The following PCSK5 variants were observed in gnomAD, a reference collection of about 807,000 sequenced individuals.
The protein encoded by PCSK5 is prohormone convertase 5.
In PCSK5, 129 loss-of-function variants were observed where a neutral mutation model predicts 233.2. The observed-to-expected ratio is 0.55, with a 90% CI of 0.48 to 0.64. The LOEUF is 0.64. Among genes scored for constraint, PCSK5 ranks in the 30% least tolerant of loss-of-function variants. The pLI, the probability that PCSK5 is intolerant of heterozygous loss-of-function variation, is 0.00. For missense variants in PCSK5, 2,076 were observed against 2,430.1 expected (o/e 0.85, Z 3.06); for synonymous variants, 825 against 879.2 (o/e 0.94, Z 1.09).
intron 7 of PCSK5, among the ~76,000 whole-genome samples, chr9:76,073,373 A>G (rs1339254): frequency 0.26 from 39,801 of 152,140 alleles, 5,543 homozygotes; most frequent in South Asian, 0.33. Context: ...TGGTTAAAAC[A>G]TTCACTTTTT....
At chr9:76,141,633 A>G (rs1183907338) in intron 10 of PCSK5, among the ~76,000 whole-genome samples, 1 of 152,108 alleles carries the variant, frequency 6.6e-6, no homozygotes, top group Non-Finnish European at 1.5e-5. Context: ...TTCATCCTCT[A>G]GCCTCCTCCT....
At chr9:76,155,382 G>A (rs925608628) in intron 10 of PCSK5, among the ~76,000 whole-genome samples, 9 of 152,132 alleles carry the variant, frequency 5.9e-5, no homozygotes, top group African/African-American at 1.9e-4. Context: ...CACAGTGTTC[G>A]TTTTTATATA....
chr9:76,028,881 C>T (rs938199641), intron 5 of PCSK5, among the ~76,000 whole-genome samples: 2 of 152,164 alleles, frequency 1.3e-5, no homozygotes, highest in Non-Finnish European at 2.9e-5. Flanking sequence ...ACGAGGACAG[C>T]TTAAAGGTTA....
At chr9:76,329,224 C>T (rs940732466) in intron 33 of PCSK5, among the ~76,000 whole-genome samples, 1 of 152,078 alleles carries the variant, frequency 6.6e-6, no homozygotes, top group Non-Finnish European at 1.5e-5. Context: ...CAGCCTTGAA[C>T]TCCTGGGCTC....
At chr9:76,078,888 C>T (rs1830733302) in intron 7 of PCSK5, among the ~76,000 whole-genome samples, 1 of 152,108 alleles carries the variant, frequency 6.6e-6, no homozygotes, top group African/African-American at 2.4e-5. Flanking sequence ...TTAGGAAAAG[C>T]ATTGAATCTA....
intron 5 of PCSK5, among the ~76,000 whole-genome samples, chr9:76,040,160 T>A (rs1057475587): frequency 6.6e-6 from 1 of 152,208 alleles, no homozygotes; most frequent in Non-Finnish European, 1.5e-5. Context: ...AGAGTCTTGG[T>A]TGAGGACAAA....
At chr9:76,012,150 C>T (rs963391216) in intron 3 of PCSK5, among the ~76,000 whole-genome samples, 2 of 152,178 alleles carry the variant, frequency 1.3e-5, no homozygotes, top group Non-Finnish European at 2.9e-5. Flanking sequence ...CAAATGAATA[C>T]ATGTTTCGAC....
At chr9:76,312,281 G>A (rs948505434) in intron 30 of PCSK5, among the ~76,000 whole-genome samples, 8 of 152,096 alleles carry the variant, frequency 5.3e-5, no homozygotes, top group African/African-American at 1.2e-4. Context: ...GAGGCCAACC[G>A]GGAGGATCAC....
At position 76,094,522 on chromosome 9, in the gene PCSK5, G is replaced by A. The variant is rs141996261; in HGVS notation, c.895-1368G>A. Among the ~76,000 whole-genome samples, 1,350 of 152,262 alleles carry A rather than the reference G, an allele frequency of 8.9e-3. 14 individuals are homozygous for A. Among genetic ancestry groups the A allele is most frequent in the African/African-American group, 0.031 (1,267 of 41,536 alleles). On this transcript the variant is annotated intron_variant, in intron 7 of 37. Coordinates refer to ENST00000674117, the MANE Select transcript of PCSK5 (RefSeq NM_001372043.1). ...TTGGCTTAATTCTCTGTTTTCTCCT[G>A]AAGACATCATCTTATAGTCACTTCA... is the stretch of plus-strand genomic sequence containing the variant.
chr9:76,358,100 T>C (rs1247399772), intron 37 of PCSK5, among the ~76,000 whole-genome samples: 1 of 152,228 alleles, frequency 6.6e-6, no homozygotes, highest in African/African-American at 2.4e-5. Context: ...GAACTCCCTT[T>C]GGATGGCAAA....
chr9:76,052,139 A>G (rs1829653594), intron 5 of PCSK5, among the ~76,000 whole-genome samples: 1 of 152,164 alleles, frequency 6.6e-6, no homozygotes, highest in Non-Finnish European at 1.5e-5. Context: ...CATTGTCATG[A>G]TTAGTATATT....
intron 17 of PCSK5, among the ~76,000 whole-genome samples, chr9:76,187,448 A>G (rs959301095): frequency 1.3e-5 from 2 of 152,118 alleles, no homozygotes; most frequent in Admixed American, 6.6e-5. Flanking sequence ...AGCTCACTCA[A>G]ACTCATGGGC....
At chr9:76,189,582 C>G (rs1564093867) in intron 19 of PCSK5, 49 bp from the exon 20 acceptor site, 2 of 1,109,520 alleles carry the variant, frequency 1.8e-6, no homozygotes, top group Admixed American at 3.4e-5. Context: ...AACACACCTT[C>G]CCCTGTGCAT....
At chr9:76,130,991 TCA>T (rs1358241254) in intron 9 of PCSK5, among the ~76,000 whole-genome samples, 1 of 152,150 alleles carries the variant, frequency 6.6e-6, no homozygotes. Context: ...CAGAGAGGTC[TCA>T]GTTTTCAGAG....
intron 35 of PCSK5, among the ~76,000 whole-genome samples, chr9:76,345,555 A>T (rs1488928174): frequency 6.6e-6 from 1 of 151,942 alleles, no homozygotes; most frequent in African/African-American, 2.4e-5. Context: ...AGTAGCTGGG[A>T]CTACAGGCGC....
At chr9:76,217,487 C>G (rs1825579000) in intron 20 of PCSK5, among the ~76,000 whole-genome samples, 1 of 152,200 alleles carries the variant, frequency 6.6e-6, no homozygotes, top group South Asian at 2.1e-4. Flanking sequence ...ATTTTCTTAG[C>G]TGTGATTATC....
At chr9:76,045,923 G>C (rs10119365) in intron 5 of PCSK5, among the ~76,000 whole-genome samples, 42,769 of 151,922 alleles carry the variant, frequency 0.28, 7,043 homozygotes, top group African/African-American at 0.46. Flanking sequence ...GAGATTGTTA[G>C]TTAATTTGCC....
chr9:76,068,025 T>C lies in PCSK5; in HGVS notation c.703T>C (p.Phe235Leu). The C allele has an allele frequency of 6.2e-7, 1 of 1,613,766 alleles. No individual in the cohort carries two copies. The highest frequency in any genetic ancestry group is 8.5e-7 in the Non-Finnish European group (1 of 1,179,688). ...TTCGCACTGCACAGTCGGAATTGCT[T>C]TCAACGCCAAGATCGGAGGTATGGG... ...NNSHCTVGIA[F>L]NAKIGGVRML... Residue 235 changes from phenylalanine (F) to leucine (L), a missense_variant, in exon 6 of 38, where the codon TTC becomes CTC. Physicochemically the swap from Phe to Leu is conservative, Grantham distance 22 (BLOSUM62 0). Around this residue, in one of 6 missense-constraint regions of PCSK5, gnomAD observed 178 missense variants for 393.6 expected, o/e 0.45. Coordinates refer to ENST00000674117, the MANE Select transcript of PCSK5 (RefSeq NM_001372043.1).
At chr9:76,198,357 T>A (rs983982488) in intron 20 of PCSK5, among the ~76,000 whole-genome samples, 1 of 152,216 alleles carries the variant, frequency 6.6e-6, no homozygotes, top group African/African-American at 2.4e-5. Context: ...TTTACTTTTT[T>A]CATTTTAGAA....
Sources: allele counts gnomAD v4.1 joint callset (sites outside exome capture counted in the v4.1 genomes callset), GRCh38; gene constraint gnomAD v4.1.1; regional missense constraint gnomAD v4.1.1; transcripts MANE v1.5; gene names NCBI Gene and HGNC (gene_info 2026-07-23, HGNC 2026-07-21).